BRINP1: variants seen among roughly 807,000 people sequenced by gnomAD.
The protein encoded by BRINP1 is BMP/retinoic acid inducible neural specific 1.
In BRINP1, 17 loss-of-function variants were observed where a neutral mutation model predicts 72.9. The observed-to-expected ratio is 0.23, with a 90% confidence interval of 0.16 to 0.35. BRINP1 has a LOEUF of 0.35. Among genes scored for constraint, BRINP1 ranks in the 10% least tolerant of loss-of-function variants. The pLI is 1.00. For missense variants in BRINP1, 850 were observed against 1,001.6 expected (o/e 0.85, Z 2.04); for synonymous variants, 418 against 378.5 (o/e 1.10, Z -1.21).
chr9:119,322,137 T>G (rs897023393), intron 1 of BRINP1, among the ~76,000 whole-genome samples: 2 of 152,250 alleles, frequency 1.3e-5, no homozygotes, highest in Admixed American at 6.5e-5. Flanking sequence ...AGCAACAGTC[T>G]TGAATATCTA....
intron 5 of BRINP1, among the ~76,000 whole-genome samples, chr9:119,234,411 G>C (rs1394535937): frequency 6.6e-6 from 1 of 150,966 alleles, no homozygotes; most frequent in African/African-American, 2.5e-5. Flanking sequence ...TGACACTCTT[G>C]TTTGTGAAGT....
intron 1 of BRINP1, among the ~76,000 whole-genome samples, chr9:119,365,552 A>G (rs1015831240): frequency 1.3e-5 from 2 of 152,208 alleles, no homozygotes; most frequent in Non-Finnish European, 2.9e-5. Context: ...GGGAAAAGAG[A>G]CAGGTTGCAA....
chr9:119,248,842 G>A (rs1830349392), intron 3 of BRINP1, 118 bp downstream of exon 3: 1 of 884,246 alleles, frequency 1.1e-6, no homozygotes, highest in Non-Finnish European at 1.7e-6. Flanking sequence ...AAATGCTTTT[G>A]TGTGATGTAG....
rs1225198716 is a variant in BRINP1, at chr9:119,259,467, T to A, written c.219-10317A>T. 2.6e-5 allele frequency among the ~76,000 whole-genome samples: 4 copies of A among 152,216 alleles called. No individual in the cohort carries two copies. The East Asian group carries it at 7.7e-4, about 29-fold the overall frequency. ...ATGGATAGTTTAAATGATCTTAATA[T>A]GCCCATGGGCTCCAGGGATTACACA... On this transcript the variant is annotated intron_variant, in intron 2 of 7. Transcript: ENST00000265922.
intron 1 of BRINP1, among the ~76,000 whole-genome samples, chr9:119,357,567 T>C (rs1237285681): frequency 6.6e-6 from 1 of 152,172 alleles, no homozygotes. Flanking sequence ...GAAGTTAAAT[T>C]ACTATTTTAA....
At chr9:119,179,559 G>A (rs1829529398) in intron 7 of BRINP1, among the ~76,000 whole-genome samples, 2 of 152,090 alleles carry the variant, frequency 1.3e-5, no homozygotes, top group Admixed American at 1.3e-4. Flanking sequence ...GGTTGCTGAG[G>A]TCAAAAAAAT....
chr9:119,291,276 T>C (rs1044788678), intron 2 of BRINP1, among the ~76,000 whole-genome samples: 1 of 152,190 alleles, frequency 6.6e-6, no homozygotes, highest in Non-Finnish European at 1.5e-5. Context: ...GTAGACAAAC[T>C]GTGCAACTAT....
chr9:119,192,580 A>T (rs1175736503), intron 7 of BRINP1, among the ~76,000 whole-genome samples: 1 of 152,104 alleles, frequency 6.6e-6, no homozygotes, highest in Non-Finnish European at 1.5e-5. Context: ...GGCTATTATA[A>T]AAAAGACAAG....
At chr9:119,206,257 A>C (rs1829852483) in intron 7 of BRINP1, among the ~76,000 whole-genome samples, 1 of 151,912 alleles carries the variant, frequency 6.6e-6, no homozygotes, top group African/African-American at 2.4e-5. Flanking sequence ...CTCTACTAAA[A>C]ATACAAAAAT....
At chr9:119,261,483 C>T (rs1000125546) in intron 2 of BRINP1, among the ~76,000 whole-genome samples, 4 of 152,148 alleles carry the variant, frequency 2.6e-5, no homozygotes, top group African/African-American at 9.7e-5. Flanking sequence ...TGAGAAATGC[C>T]AGTTTCCTGT....
intron 2 of BRINP1, among the ~76,000 whole-genome samples, chr9:119,286,370 C>T (rs1281529573): frequency 6.6e-6 from 1 of 151,928 alleles, no homozygotes; most frequent in Non-Finnish European, 1.5e-5. Flanking sequence ...GTAGCTGGGA[C>T]TACAGGCGCC....
intron 2 of BRINP1, among the ~76,000 whole-genome samples, chr9:119,276,469 A>G (rs1186711515): frequency 6.6e-6 from 1 of 152,126 alleles, no homozygotes; most frequent in Non-Finnish European, 1.5e-5. Flanking sequence ...TTTTAACAAA[A>G]TCTCCTTATA....
intron 7 of BRINP1, among the ~76,000 whole-genome samples, chr9:119,169,161 A>G (rs1020192606): frequency 6.6e-6 from 1 of 152,360 alleles, no homozygotes; most frequent in African/African-American, 2.4e-5. Context: ...TCCAGTCTAC[A>G]GCTCCCAGCG....
At position 119,208,765 on chromosome 9, in the gene BRINP1, T is replaced by A; in HGVS notation, c.1099A>T (p.Ser367Cys). ...TTGGGATTGTGGCGACAGCGTACAC[T>A]GAGGCCGAAAAGCTTGCGGGCAGTG... ...QRTARKLFGL[S>C]VRCRHNPNHQ... is the part of the protein sequence containing the mutation. The change falls in exon 7 of 8, where the codon AGT (serine) becomes TGT (cysteine). Residue 367 changes from serine (S) to cysteine (C), a missense_variant. Physicochemically the swap from Ser to Cys is moderately radical, Grantham distance 112 (BLOSUM62 -1). Transcript: ENST00000265922. The A allele has an allele frequency of 6.2e-7, 1 of 1,613,878 alleles. No homozygotes were observed. Among genetic ancestry groups the A allele is most frequent in the South Asian group, 1.1e-5 (1 of 91,070 alleles).
intron 2 of BRINP1, among the ~76,000 whole-genome samples, chr9:119,266,171 G>T (rs1241143394): frequency 6.6e-6 from 1 of 152,148 alleles, no homozygotes; most frequent in Non-Finnish European, 1.5e-5. Context: ...TGTTCCTCAA[G>T]GAGGAGAAAT....
rs566797983 is a variant in BRINP1 at position 119,168,924 on chromosome 9, C to T, written c.1146-700G>A. 1.1e-4 allele frequency among the ~76,000 whole-genome samples: 16 copies of T among 152,196 alleles called. No individual in the cohort carries two copies. The East Asian group carries it at 1.7e-3, about 17-fold the overall frequency. ...TCAACCATTGTGGAAGACAGTGTGG[C>T]GATTCCTCAAGGAGCTACAATGAGA... On this transcript the variant is annotated intron_variant, in intron 7 of 7. Coordinates refer to ENST00000265922, the MANE Select transcript of BRINP1 (RefSeq NM_014618.3).
At chr9:119,328,689 A>C (rs367576143) in intron 1 of BRINP1, among the ~76,000 whole-genome samples, 28 of 152,314 alleles carry the variant, frequency 1.8e-4, no homozygotes, top group African/African-American at 6.3e-4. Flanking sequence ...AAATTACAAA[A>C]CAATAGATTG....
At chr9:119,184,630 A>G (rs1244961045) in intron 7 of BRINP1, among the ~76,000 whole-genome samples, 1 of 152,160 alleles carries the variant, frequency 6.6e-6, no homozygotes, top group South Asian at 2.1e-4. Flanking sequence ...CAAAGTAGCA[A>G]CTTCTCCTGG....
chr9:119,344,777 T>A (rs1287836741), intron 1 of BRINP1, among the ~76,000 whole-genome samples: 1 of 152,172 alleles, frequency 6.6e-6, no homozygotes, highest in Non-Finnish European at 1.5e-5. Context: ...CTGAAAGAAG[T>A]ACTCAATCAG....
Sources: allele counts gnomAD v4.1 joint callset (sites outside exome capture counted in the v4.1 genomes callset), GRCh38; gene constraint gnomAD v4.1.1; transcripts MANE v1.5; gene names NCBI Gene and HGNC (gene_info 2026-07-23, HGNC 2026-07-21).